Variants in TMEM123 observed in about 807,000 individuals in gnomAD.
TMEM123 encodes the protein porimin.
A neutral mutation model predicts 19.7 loss-of-function variants in TMEM123; 16 were observed. The observed-to-expected ratio is 0.81, with a 90% CI of 0.55 to 1.23. The LOEUF is 1.23. TMEM123 is among the 50% of genes most tolerant of loss of function. The probability of loss-of-function intolerance (pLI) is 0.00; values close to 1 mark genes in which losing one functional copy is unlikely to be tolerated. For synonymous variants in TMEM123, 118 were observed against 99.4 expected, an observed-to-expected ratio of 1.19 and a Z score of -1.12; for missense variants, 313 against 257.8, an observed-to-expected ratio of 1.21 and a Z score of -1.47.
chr11:102,452,661 C>T lies in TMEM123; in HGVS notation c.-38G>A. 1 of 1,409,960 alleles carries T rather than the reference C, an allele frequency of 7.1e-7. No individual in the cohort carries two copies. The highest frequency in any genetic ancestry group is 2.9e-5 in the East Asian group (1 of 34,734). The allele number at this position is 1,409,960 out of a possible 1,614,324, so 87.3% of individuals were successfully genotyped here. ...AGGATGCGGCAGCCTCGTGGGCTCC[C>T]AGCCGAGGTGGCGGCGGCGAGAGCG... On this transcript the variant is annotated 5_prime_UTR_variant, in exon 1 of 5. Transcript: ENST00000398136.
At chr11:102,403,286 A>T (rs1374564589) in intron 2 of TMEM123, among the ~76,000 whole-genome samples, 1 of 152,264 alleles carries the variant, frequency 6.6e-6, no homozygotes, top group Non-Finnish European at 1.5e-5. Flanking sequence ...CTGGGATCAC[A>T]GGCATGAGCC....
chr11:102,443,353 G>A (rs188211627), intron 2 of TMEM123, among the ~76,000 whole-genome samples: 1 of 152,210 alleles, frequency 6.6e-6, no homozygotes, highest in Non-Finnish European at 1.5e-5. Flanking sequence ...CAGAGATATA[G>A]ACCAATGGAA....
intron 2 of TMEM123, among the ~76,000 whole-genome samples, chr11:102,411,204 A>C (rs1952001421): frequency 6.6e-6 from 1 of 152,114 alleles, no homozygotes. Flanking sequence ...CCATCCATCA[A>C]CCTTTGGGAA....
At chr11:102,410,989 CCCTGGTT>C in intron 2 of TMEM123, among the ~76,000 whole-genome samples, 1 of 152,078 alleles carries the variant, frequency 6.6e-6, no homozygotes, top group African/African-American at 2.4e-5. Context: ...TGGTCTTTGT[CCCTGGTT>C]CCTGGCACAG....
chr11:102,422,378 G>A (rs1952094532), intron 2 of TMEM123, among the ~76,000 whole-genome samples: 1 of 152,174 alleles, frequency 6.6e-6, no homozygotes, highest in South Asian at 2.1e-4. Flanking sequence ...GGAGGCTGAG[G>A]CAGGAGAATC....
At chr11:102,446,485 TA>T (rs1379892267) in intron 2 of TMEM123, among the ~76,000 whole-genome samples, 1 of 152,212 alleles carries the variant, frequency 6.6e-6, no homozygotes, top group Non-Finnish European at 1.5e-5. Context: ...ACAGCTGTAA[TA>T]ATGTATAGGA....
chr11:102,426,057 A>C (rs1952123792), intron 2 of TMEM123, among the ~76,000 whole-genome samples: 1 of 152,230 alleles, frequency 6.6e-6, no homozygotes. Context: ...TAGCTCCCCC[A>C]GTACCTGGCA....
At chr11:102,452,411 C>T in intron 1 of TMEM123, 113 bp downstream of exon 1, 1 of 929,314 alleles carries the variant, frequency 1.1e-6, no homozygotes, top group Non-Finnish European at 1.5e-6. Context: ...CCGCCCCGAG[C>T]GTTCGGCCAG....
intron 2 of TMEM123, among the ~76,000 whole-genome samples, chr11:102,438,194 A>T (rs113192858): frequency 0.023 from 3,428 of 152,114 alleles, 129 homozygotes; most frequent in African/African-American, 0.078. Context: ...CTGGGATCAC[A>T]TGCACACATC....
intron 3 of TMEM123, 110 bp downstream of exon 3, chr11:102,401,806 A>G (rs558303890): frequency 6.7e-7 from 1 of 1,495,622 alleles, no homozygotes; most frequent in South Asian, 1.4e-5. Context: ...ATTAAGGGAA[A>G]TCTAGGCATA....
chr11:102,409,706 T>A (rs1385010950), intron 2 of TMEM123, among the ~76,000 whole-genome samples: 2 of 151,942 alleles, frequency 1.3e-5, no homozygotes, highest in Non-Finnish European at 2.9e-5. Flanking sequence ...AAACCTTGTC[T>A]CTACTCAAAA....
rs369304633 is a variant in TMEM123 at position 102,406,792 on chromosome 11, A to C, written c.158-4586T>G. Among the ~76,000 whole-genome samples, 70 of 151,630 alleles carry C rather than the reference A, an allele frequency of 4.6e-4. No individual in the cohort carries two copies. In the East Asian group the frequency reaches 0.011, roughly 24 times the overall value. On this transcript the variant is annotated intron_variant, in intron 2 of 4. Coordinates refer to ENST00000398136, the MANE Select transcript of TMEM123 (RefSeq NM_052932.3). Reference sequence around the variant, plus strand: ...AGGCTGAGGCAGGAGAATGGCGTGAACCTGGGAGGCAGAGCTTGCAGTGAG... The same window carrying C: ...AGGCTGAGGCAGGAGAATGGCGTGACCCTGGGAGGCAGAGCTTGCAGTGAG...
At chr11:102,401,398 G>T in intron 4 of TMEM123, 141 bp downstream of exon 4, 1 of 686,760 alleles carries the variant, frequency 1.5e-6, no homozygotes, top group Non-Finnish European at 2.1e-6. Flanking sequence ...ATTTACTTTG[G>T]GCCAAAAGGG....
rs965288501 is a variant in TMEM123 at position 102,396,353 on chromosome 11, A to T, written c.*2514T>A. 1 of 152,226 alleles carries T rather than the reference A, an allele frequency of 6.6e-6. No individual in the cohort carries two copies. Among genetic ancestry groups the T allele is most frequent in the African/African-American group, 2.4e-5 (1 of 41,470 alleles). 9.4% of individuals were successfully genotyped at this position (152,226 alleles called of 1,614,324 possible). Reference sequence around the variant, plus strand: ...AAACTTTTAGAAGGAGAACAATTTTATTCTAAAAATAGAACTTGGTAACAA... The same window carrying T: ...AAACTTTTAGAAGGAGAACAATTTTTTTCTAAAAATAGAACTTGGTAACAA... On this transcript the variant is annotated 3_prime_UTR_variant, in exon 5 of 5. Transcript: ENST00000398136.
rs569021903 is a variant in TMEM123 at position 102,409,656 on chromosome 11, C to G, written c.158-7450G>C. 1.4e-4 allele frequency among the ~76,000 whole-genome samples: 22 copies of G among 152,174 alleles called. 2 individuals carry two copies. In the South Asian group the frequency reaches 4.6e-3, roughly 32 times the overall value. ...CCCAGGCGGGCAGGCGGGCAGATCA[C>G]CCGAGTCAGGAATTCGAGACCAGCC... On this transcript the variant is annotated intron_variant, in intron 2 of 4. Coordinates refer to ENST00000398136, the MANE Select transcript of TMEM123 (RefSeq NM_052932.3).
intron 2 of TMEM123, among the ~76,000 whole-genome samples, chr11:102,403,450 G>A (rs11225242): frequency 2.0e-5 from 3 of 152,046 alleles, no homozygotes; most frequent in Non-Finnish European, 2.9e-5. Context: ...TTTTTAACAC[G>A]ACAATTTAAC....
chr11:102,423,901 CCTA>C (rs2135853532), intron 2 of TMEM123, among the ~76,000 whole-genome samples: 1 of 152,070 alleles, frequency 6.6e-6, no homozygotes, highest in South Asian at 2.1e-4. Context: ...ATTATTAACT[CCTA>C]CAATTTTTAA....
intron 2 of TMEM123, 140 bp downstream of exon 2, chr11:102,448,672 G>T: frequency 1.4e-6 from 1 of 709,956 alleles, no homozygotes; most frequent in Non-Finnish European, 2.5e-6. Flanking sequence ...GGGCACTAGG[G>T]CAGGTTATTG....
At chr11:102,451,563 G>T (rs1304877433) in intron 1 of TMEM123, among the ~76,000 whole-genome samples, 1 of 152,184 alleles carries the variant, frequency 6.6e-6, no homozygotes, top group African/African-American at 2.4e-5. Context: ...TACAGTGGAT[G>T]GATAGAACTT....
Sources: allele counts gnomAD v4.1 joint callset (sites outside exome capture counted in the v4.1 genomes callset), GRCh38; gene constraint gnomAD v4.1.1; transcripts MANE v1.5; gene names NCBI Gene and HGNC (gene_info 2026-07-23, HGNC 2026-07-21).